Variants in TOR1AIP1 observed in about 807,000 individuals in gnomAD.
TOR1AIP1 encodes the protein torsin 1A interacting protein 1.
Under a neutral mutation model 63.3 loss-of-function variants are expected in TOR1AIP1, and 54 were observed. The observed-to-expected ratio is 0.85, with a 90% CI of 0.69 to 1.07. The LOEUF (loss-of-function observed/expected upper bound fraction) is 1.07. TOR1AIP1 is among the 50% of genes least tolerant of loss of function. The pLI is 0.00. For synonymous variants in TOR1AIP1, 294 were observed against 273.5 expected (o/e 1.07, Z -0.74); for missense variants, 736 against 715.0 (o/e 1.03, Z -0.33).
In TOR1AIP1 at chr1:179,882,746, G is replaced by C. The variant is rs749640352; in HGVS notation, c.244G>C (p.Gly82Arg). 16 of 1,614,160 alleles carry C rather than the reference G, an allele frequency of 9.9e-6. No individual in the cohort carries two copies. The South Asian group carries it at 1.4e-4, about 14-fold the overall frequency. ...GGTGGCCAAAGAAAGGTCCCCGGTG[G>C]GAAAACGAACCCGGCTAGAAGAGTT... Reference protein sequence around the residue: ...PLVAKERSPVGKRTRLEEFRS... With the variant: ...PLVAKERSPVRKRTRLEEFRS... The change falls in exon 1 of 10, where the codon GGA (glycine) becomes CGA (arginine). Residue 82 changes from glycine to arginine, a missense_variant. Transcript: ENST00000606911.
At chr1:179,917,323 G>C in intron 9 of TOR1AIP1, 129 bp from the exon 10 acceptor site, 1 of 781,152 alleles carries the variant, frequency 1.3e-6, no homozygotes, top group Non-Finnish European at 2.0e-6. Flanking sequence ...AAAATTATCA[G>C]CTTTCTTCTT....
Position 179,882,877 on chromosome 1 carries a change from A to G in TOR1AIP1, c.375A>G (p.Arg125=). The G allele has an allele frequency of 1.2e-6, 2 of 1,614,188 alleles. No homozygotes were observed. Among genetic ancestry groups the G allele is most frequent in the South Asian group, 2.2e-5 (2 of 91,082 alleles). Residue 125 remains arginine (R), a synonymous_variant, in exon 1 of 10, where the codon CGA becomes CGG. Coordinates refer to ENST00000606911, the MANE Select transcript of TOR1AIP1 (RefSeq NM_015602.4). ...RPQETEEMKT[R]RTTRLQQQHS... Reference sequence around the variant, plus strand: ...AGGAAACCGAGGAAATGAAGACGCGAAGGACTACCCGCCTTCAGCAGCAGC... The same window carrying G: ...AGGAAACCGAGGAAATGAAGACGCGGAGGACTACCCGCCTTCAGCAGCAGC...
chr1:179,883,703 A>G (rs994613458), intron 1 of TOR1AIP1: 1 of 456,298 alleles, frequency 2.2e-6, no homozygotes, highest in Admixed American at 2.3e-5. Context: ...AAGTAACCTG[A>G]AAAACAAGAC....
intron 3 of TOR1AIP1, among the ~76,000 whole-genome samples, chr1:179,891,054 C>T (rs972835829): frequency 5.3e-5 from 8 of 152,128 alleles, no homozygotes; most frequent in African/African-American, 1.7e-4. Flanking sequence ...TGACTAGGAC[C>T]TCCCATAAAC....
intron 3 of TOR1AIP1, among the ~76,000 whole-genome samples, chr1:179,892,901 T>C (rs1182818097): frequency 6.6e-6 from 1 of 152,204 alleles, no homozygotes; most frequent in Non-Finnish European, 1.5e-5. Flanking sequence ...TGATTGTAAA[T>C]TTAAAAAAGA....
Position 179,882,377 on chromosome 1 carries a change from C to T in TOR1AIP1, c.-126C>T. The T allele has an allele frequency of 2.0e-6, 2 of 1,017,532 alleles. No individual in the cohort carries two copies. The highest frequency in any genetic ancestry group is 2.6e-6 in the Non-Finnish European group (2 of 756,720). 63.0% of individuals were successfully genotyped at this position (1,017,532 alleles called of 1,614,324 possible). ...GACGCAGGCGGCGGCCCCAGCGACTCGCAACTGCCTCCCTGACCACAGCGG... is the reference window on the plus strand; with the variant it reads ...GACGCAGGCGGCGGCCCCAGCGACTTGCAACTGCCTCCCTGACCACAGCGG... On this transcript the variant is annotated 5_prime_UTR_variant, in exon 1 of 10. Coordinates refer to ENST00000606911, the MANE Select transcript of TOR1AIP1 (RefSeq NM_015602.4).
At chr1:179,884,836 C>A in intron 2 of TOR1AIP1, 67 bp downstream of exon 2, 2 of 1,266,466 alleles carry the variant, frequency 1.6e-6, no homozygotes, top group Non-Finnish European at 1.1e-6. Context: ...TTGAATTAAA[C>A]AATGTAAGTA....
intron 4 of TOR1AIP1, among the ~76,000 whole-genome samples, chr1:179,900,718 C>T (rs1398797165): frequency 1.3e-5 from 2 of 152,082 alleles, no homozygotes; most frequent in Non-Finnish European, 2.9e-5. Context: ...CATCTTTTGT[C>T]TATTTGGGTT....
At chr1:179,890,255 A>G (rs1441935812) in intron 3 of TOR1AIP1, among the ~76,000 whole-genome samples, 1 of 152,110 alleles carries the variant, frequency 6.6e-6, no homozygotes, top group African/African-American at 2.4e-5. Flanking sequence ...TAGTAAAGAC[A>G]CTCCAAGCAG....
At chr1:179,883,063 C>A in intron 1 of TOR1AIP1, 86 bp downstream of exon 1, 2 of 1,237,134 alleles carry the variant, frequency 1.6e-6, no homozygotes, top group Non-Finnish European at 2.3e-6. Flanking sequence ...TCATGCCCGC[C>A]TGGGTACTAA....
chr1:179,907,466 C>T (rs1368100982), intron 6 of TOR1AIP1, among the ~76,000 whole-genome samples: 1 of 147,522 alleles, frequency 6.8e-6, no homozygotes, highest in Non-Finnish European at 1.5e-5. Flanking sequence ...CAAAATTATA[C>T]TTGATATATA....
chr1:179,913,129 ATT>A (rs745903061), intron 8 of TOR1AIP1, among the ~76,000 whole-genome samples: 34 of 139,372 alleles, frequency 2.4e-4, no homozygotes, highest in Admixed American at 5.8e-4. Flanking sequence ...CTTGTTTTTA[ATT>A]TTTTTTTTTT....
intron 8 of TOR1AIP1, among the ~76,000 whole-genome samples, chr1:179,911,150 G>C (rs1341993858): frequency 6.6e-6 from 1 of 152,176 alleles, no homozygotes; most frequent in Non-Finnish European, 1.5e-5. Flanking sequence ...GGATCTTTTA[G>C]ACTTTCAACC....
At chr1:179,902,650 C>T (rs953672068) in intron 5 of TOR1AIP1, among the ~76,000 whole-genome samples, 12 of 152,124 alleles carry the variant, frequency 7.9e-5, no homozygotes, top group Admixed American at 2.0e-4. Context: ...ATTTGTAACA[C>T]GCTGGTAGTG....
At chr1:179,904,226 T>TA (rs796785943) in intron 6 of TOR1AIP1, among the ~76,000 whole-genome samples, 2 of 152,216 alleles carry the variant, frequency 1.3e-5, no homozygotes, top group African/African-American at 4.8e-5. Flanking sequence ...AATTTGAACT[T>TA]AAAAAACAAA....
chr1:179,884,252 C>T (rs1647836796), intron 1 of TOR1AIP1, among the ~76,000 whole-genome samples: 1 of 152,098 alleles, frequency 6.6e-6, no homozygotes, highest in Non-Finnish European at 1.5e-5. Context: ...ATGCTTTGTA[C>T]ATGGTAGGCA....
At chr1:179,887,045 A>G (rs924782180) in intron 2 of TOR1AIP1, among the ~76,000 whole-genome samples, 2 of 152,204 alleles carry the variant, frequency 1.3e-5, no homozygotes, top group Non-Finnish European at 2.9e-5. Flanking sequence ...AAATAGTGCT[A>G]TAATTGTATA....
At position 179,918,764 on chromosome 1, in the gene TOR1AIP1, T is replaced by C. The variant is rs951627272; in HGVS notation, c.*525T>C. On this transcript the variant is annotated 3_prime_UTR_variant, in exon 10 of 10. Transcript: ENST00000606911. ...GTGTGTTTGGAATTTTTTTCTTTTG[T>C]TTTTTGGAAAATGGAAAGAACAAGG... 2.6e-5 allele frequency: 4 copies of C among 152,474 alleles called. No homozygotes were observed. Among genetic ancestry groups the C allele is most frequent in the African/African-American group, 9.7e-5 (4 of 41,418 alleles). 9.4% of individuals were successfully genotyped at this position (152,474 alleles called of 1,614,324 possible). A position where few individuals can be genotyped will look rare whatever the true frequency, so the allele number is the denominator to read the frequency against.
intron 2 of TOR1AIP1, 101 bp from the exon 3 acceptor site, chr1:179,889,212 C>G: frequency 1.1e-6 from 1 of 921,198 alleles, no homozygotes; most frequent in Non-Finnish European, 1.6e-6. Context: ...AATAAAAGCT[C>G]TGTAAACCTT....
Sources: allele counts gnomAD v4.1 joint callset (sites outside exome capture counted in the v4.1 genomes callset), GRCh38; gene constraint gnomAD v4.1.1; transcripts MANE v1.5; gene names NCBI Gene and HGNC (gene_info 2026-07-23, HGNC 2026-07-21).